The following RUNDC1 variants were observed in gnomAD, a reference collection of about 807,000 sequenced individuals.
The protein encoded by RUNDC1 is RUN domain containing 1.
Under a neutral mutation model 49.3 loss-of-function variants are expected in RUNDC1, and 31 were observed. The ratio of observed to expected loss-of-function variants is 0.63; its 90% CI spans 0.47 to 0.85. RUNDC1 has a LOEUF of 0.85. Ranked by LOEUF, RUNDC1 falls within the 40% of genes least tolerant of loss-of-function variation. The probability of loss-of-function intolerance (pLI) is 0.00; values close to 1 mark genes in which losing one functional copy is unlikely to be tolerated. For synonymous variants in RUNDC1, 347 were observed against 348.6 expected, an observed-to-expected ratio of 1.00 and a Z score of 0.05; for missense variants, 715 against 806.7, an observed-to-expected ratio of 0.89 and a Z score of 1.38.
rs1256855310 is a variant in RUNDC1 at position 42,989,427 on chromosome 17, T to G, written c.744T>G (p.Arg248=). 6 of 1,613,918 alleles carry G rather than the reference T, an allele frequency of 3.7e-6. No homozygotes were observed. The African/African-American group carries it at 8.0e-5, about 22-fold the overall frequency. The change falls in exon 3 of 5, where the codon CGT becomes CGG. Residue 248 remains arginine (R), a synonymous_variant. Transcript: ENST00000361677. The part of the protein sequence containing the change: ...SSLSTEELRQ[R]VDAAVAQIVN... ...TGTCCACTGAAGAGCTTCGTCAGCGTGTAGATGCAGCAGTGGCTCAGATCG... is the reference window on the plus strand; with the variant it reads ...TGTCCACTGAAGAGCTTCGTCAGCGGGTAGATGCAGCAGTGGCTCAGATCG...
rs2050284222 is a variant in RUNDC1, at chr17:42,994,588, A to G, written c.*2872A>G. Among the ~76,000 whole-genome samples, 1 of 152,002 alleles carries G rather than the reference A, an allele frequency of 6.6e-6. No individual in the cohort carries two copies. The highest frequency in any genetic ancestry group is 1.5e-5 in the Non-Finnish European group (1 of 68,008). On this transcript the variant is annotated 3_prime_UTR_variant, in exon 5 of 5. Transcript: ENST00000361677. ...TTCCTCCCCTCACTTTGGGGAGGAGAAGGTATTTTCTACACAACTGCCAGA... is the reference window on the plus strand; with the variant it reads ...TTCCTCCCCTCACTTTGGGGAGGAGGAGGTATTTTCTACACAACTGCCAGA...
chr17:42,991,732 C>A lies in RUNDC1; in HGVS notation c.*16C>A. 4 of 1,597,068 alleles carry A rather than the reference C, an allele frequency of 2.5e-6. No individual in the cohort carries two copies. Among genetic ancestry groups the A allele is most frequent in the Non-Finnish European group, 3.4e-6 (4 of 1,172,108 alleles). On this transcript the variant is annotated 3_prime_UTR_variant, in exon 5 of 5. Coordinates refer to ENST00000361677, the MANE Select transcript of RUNDC1 (RefSeq NM_173079.5). ...TGCCTTTTGATGAGAGTGCCCTAAC[C>A]CCAGACAAGCTCCTTGTTCAGTAGG...
Position 42,981,056 on chromosome 17 carries a change from G to A in RUNDC1, c.480G>A (p.Trp160Ter), listed in dbSNP as rs781273982. The A allele has an allele frequency of 6.4e-6, 10 of 1,561,986 alleles. No individual in the cohort carries two copies. Among genetic ancestry groups the A allele is most frequent in the African/African-American group, 1.4e-5 (1 of 72,968 alleles). The change falls in exon 1 of 5, where the codon TGG becomes TGA. Residue 160 changes from tryptophan (W) to a stop codon, truncating the protein, a stop_gained. Coordinates refer to ENST00000361677, the MANE Select transcript of RUNDC1 (RefSeq NM_173079.5). LOFTEE classifies it high-confidence loss of function. ...ATGGGCTGCCAGGGGACCGGCCATG[G>A]TTGCGGGGCGAGGACCAGGTGAGTG... ...EGDGLPGDRPWLRGEDQSEQE... is the reference protein window; with the variant it reads ...EGDGLPGDRP
chr17:42,983,557 G>A (rs972589285), intron 1 of RUNDC1, among the ~76,000 whole-genome samples: 2 of 151,646 alleles, frequency 1.3e-5, no homozygotes, highest in African/African-American at 4.8e-5. Flanking sequence ...TGTATTTGTA[G>A]AGATGAGGTT....
At chr17:42,988,435 T>C (rs1299661339) in intron 2 of RUNDC1, among the ~76,000 whole-genome samples, 1 of 151,326 alleles carries the variant, frequency 6.6e-6, no homozygotes, top group Non-Finnish European at 1.5e-5. Flanking sequence ...GTATTTTTAG[T>C]ACAGATGGGA....
In RUNDC1 at chr17:42,990,362, G is replaced by C. The variant is rs776674954; in HGVS notation, c.902G>C (p.Cys301Ser). 49 of 1,614,136 alleles carry C rather than the reference G, an allele frequency of 3.0e-5. No homozygotes were observed. Among genetic ancestry groups the C allele is most frequent in the Non-Finnish European group, 4.0e-5 (47 of 1,180,020 alleles). ...CAGACAGGTGGTGGACACTGTGAGT[G>C]CAAGGCCGGTGGGAAGACAGGAAAT... ...PLQTGGGHCE[C>S]KAGGKTGNGC... The change falls in exon 4 of 5, where the codon TGC becomes TCC. Residue 301 changes from cysteine (C) to serine (S), a missense_variant. By Grantham distance (112) the Cys-to-Ser change is moderately radical (BLOSUM62 -1). Coordinates refer to ENST00000361677, the MANE Select transcript of RUNDC1 (RefSeq NM_173079.5).
chr17:42,980,611 C>T lies in RUNDC1; in HGVS notation c.35C>T (p.Thr12Met), dbSNP rs1049018389. Residue 12 changes from threonine (T) to methionine (M), a missense_variant, in exon 1 of 5, where the codon ACG (threonine) becomes ATG (methionine). Around this residue, in one of 5 missense-constraint regions of RUNDC1, gnomAD observed 153 missense variants for 139.4 expected, o/e 1.10. Coordinates refer to ENST00000361677, the MANE Select transcript of RUNDC1 (RefSeq NM_173079.5). Reference protein sequence around the residue: ...AAVEAAAEPVTVVAAVGPKAK... With the variant: ...AAVEAAAEPVMVVAAVGPKAK... ...GTCGAAGCGGCTGCAGAGCCGGTAA[C>T]GGTGGTGGCGGCTGTTGGGCCAAAG... The T allele has an allele frequency of 3.1e-6, 5 of 1,609,088 alleles. No homozygotes were observed. The highest frequency in any genetic ancestry group is 2.2e-5 in the East Asian group (1 of 44,752).
At chr17:42,985,445 A>T (rs1460350739) in intron 1 of RUNDC1, among the ~76,000 whole-genome samples, 2 of 152,164 alleles carry the variant, frequency 1.3e-5, no homozygotes, top group Non-Finnish European at 2.9e-5. Context: ...GCCTTCACCA[A>T]ATGGGGAAGT....
chr17:42,986,483 G>A (rs944674928), intron 1 of RUNDC1, among the ~76,000 whole-genome samples: 1 of 151,998 alleles, frequency 6.6e-6, no homozygotes, highest in Non-Finnish European at 1.5e-5. Flanking sequence ...TGAACCTTAG[G>A]AAAGCTGGTT....
At chr17:42,981,112 T>C in intron 1 of RUNDC1, 38 bp downstream of exon 1, 3 of 1,533,362 alleles carry the variant, frequency 2.0e-6, no homozygotes, top group Non-Finnish European at 2.6e-6. Flanking sequence ...AATATGGGAA[T>C]AGTGGGGTCG....
At position 42,991,576 on chromosome 17, in the gene RUNDC1, C is replaced by A; in HGVS notation, c.1702C>A (p.His568Asn). Residue 568 changes from histidine (H) to asparagine (N), a missense_variant, in exon 5 of 5, where the codon CAC becomes AAC. Physicochemically the swap from His to Asn is moderately conservative, Grantham distance 68. Transcript: ENST00000361677. ...ICKSGSLIEP[H>N]YQPWSYMAHT... ...CAAGTCCGGGTCACTCATCGAGCCT[C>A]ACTACCAGCCCTGGAGCTACATGGC... 6.2e-7 allele frequency: 1 copy of A among 1,614,196 alleles called. No homozygotes were observed. The highest frequency in any genetic ancestry group is 8.5e-7 in the Non-Finnish European group (1 of 1,180,028).
At chr17:42,984,861 ATTCTT>A (rs1281154715) in intron 1 of RUNDC1, among the ~76,000 whole-genome samples, 11 of 140,264 alleles carry the variant, frequency 7.8e-5, no homozygotes, top group African/African-American at 2.4e-4. Context: ...GGAATTTGTC[ATTCTT>A]TTCTTTTTCT....
intron 1 of RUNDC1, among the ~76,000 whole-genome samples, chr17:42,984,691 C>G (rs775984): frequency 0.93 from 142,258 of 152,172 alleles, 67,249 homozygotes; most frequent in South Asian, 1. Flanking sequence ...TGACAGAGTT[C>G]AACAGACTTG....
intron 1 of RUNDC1, 67 bp from the exon 2 acceptor site, chr17:42,987,189 C>A: frequency 8.1e-7 from 1 of 1,233,886 alleles, no homozygotes; most frequent in Non-Finnish European, 1.2e-6. Context: ...CTGGCTCGAG[C>A]AGATTCTTAA....
At position 42,989,329 on chromosome 17, in the gene RUNDC1, T is replaced by C. The variant is rs763440510; in HGVS notation, c.658-12T>C. 1 of 1,610,578 alleles carries C rather than the reference T, an allele frequency of 6.2e-7. No homozygotes were observed. Among genetic ancestry groups the C allele is most frequent in the Non-Finnish European group, 8.5e-7 (1 of 1,177,496 alleles). ...TTCCAAAGGGTGTGCTCATTGCTTG[T>C]GATCTTGGTAGGTGATCATAGATGA... On this transcript the variant is annotated splice_polypyrimidine_tract_variant and intron_variant, in intron 2 of 4. Transcript: ENST00000361677.
In RUNDC1 at chr17:42,981,068, G is replaced by A. The variant is rs1314450286; in HGVS notation, c.492G>A (p.Glu164=). 1.3e-6 allele frequency: 2 copies of A among 1,564,944 alleles called. 1 individual carries two copies. The highest frequency in any genetic ancestry group is 2.3e-5 in the South Asian group (2 of 87,156). Residue 164 remains glutamate, a synonymous_variant, in exon 1 of 5, where the codon GAG becomes GAA. Transcript: ENST00000361677. ...GGGACCGGCCATGGTTGCGGGGCGA[G>A]GACCAGGTGAGTGGCTGGAGCCGGG... ...LPGDRPWLRG[E]DQSEQEKQER...
At chr17:42,986,693 G>A (rs2050176824) in intron 1 of RUNDC1, among the ~76,000 whole-genome samples, 1 of 151,874 alleles carries the variant, frequency 6.6e-6, no homozygotes, top group Admixed American at 6.6e-5. Flanking sequence ...AGTAGAGACG[G>A]GGTTTTACTG....
At position 42,990,894 on chromosome 17, in the gene RUNDC1, C is replaced by T. The variant is rs376515632; in HGVS notation, c.1020C>T (p.His340=). The change falls in exon 5 of 5, where the codon CAC becomes CAT. Residue 340 remains histidine (H), a synonymous_variant. Coordinates refer to ENST00000361677, the MANE Select transcript of RUNDC1 (RefSeq NM_173079.5). ...DVKKVRETGL[H]LMRRALAVLQ... ...AGAAAGTCCGGGAGACGGGGCTGCA[C>T]CTGATGCGGCGAGCGCTGGCCGTGC... is the stretch of plus-strand genomic sequence containing the variant. 9.6e-5 allele frequency: 154 copies of T among 1,608,026 alleles called. No homozygotes were observed. The Middle Eastern group carries it at 1.3e-3, about 14-fold the overall frequency.
intron 1 of RUNDC1, among the ~76,000 whole-genome samples, chr17:42,984,765 CAGTG>C (rs1338951903): frequency 2.0e-5 from 1 of 50,072 alleles, no homozygotes; most frequent in African/African-American, 4.6e-5. Flanking sequence ...AGTTGGGTAA[CAGTG>C]AGAACAAAAA....
Sources: allele counts gnomAD v4.1 joint callset (sites outside exome capture counted in the v4.1 genomes callset), GRCh38; gene constraint gnomAD v4.1.1; regional missense constraint gnomAD v4.1.1; transcripts MANE v1.5; gene names NCBI Gene and HGNC (gene_info 2026-07-23, HGNC 2026-07-21).